LOXHD1: variants seen among roughly 807,000 people sequenced by gnomAD.
LOXHD1 encodes the protein lipoxygenase homology domain-containing protein 1.
LOXHD1 carries 205 observed loss-of-function variants against 248.2 expected under a neutral mutation model. The ratio of observed to expected loss-of-function variants is 0.83; its 90% CI spans 0.74 to 0.93. The LOEUF (loss-of-function observed/expected upper bound fraction) is 0.93. Among genes scored for constraint, LOXHD1 ranks in the 40% least tolerant of loss-of-function variants. The pLI, the probability that LOXHD1 is intolerant of heterozygous loss-of-function variation, is 0.00. For synonymous variants in LOXHD1, 1,113 were observed against 1,162.8 expected (o/e 0.96, Z 0.87); for missense variants, 2,930 against 2,971.6 (o/e 0.99, Z 0.33).
At chr18:46,538,373 A>G (rs1458808007) in intron 25 of LOXHD1, 36 bp from the exon 26 acceptor site, 3 of 1,527,280 alleles carry the variant, frequency 2.0e-6, no homozygotes, top group African/African-American at 2.8e-5. Context: ...GCCAGAGTGG[A>G]TGAGAGAACA....
intron 6 of LOXHD1, among the ~76,000 whole-genome samples, chr18:46,609,115 C>T (rs2038466202): frequency 6.6e-6 from 1 of 152,160 alleles, no homozygotes; most frequent in African/African-American, 2.4e-5. Flanking sequence ...AGCCTTTATC[C>T]CCATTTTCTC....
At position 46,566,047 on chromosome 18, in the gene LOXHD1, G is replaced by T. The variant is rs183346977; in HGVS notation, c.2437+210C>A. ...CACAAAAAAGTATTTCATCCATTGG[G>T]TCCTCAGTTTCCTCATCTATAAAAT... On this transcript the variant is annotated intron_variant, in intron 17 of 40. Transcript: ENST00000642948. Among the ~76,000 whole-genome samples the T allele has an allele frequency of 1.5e-3, 229 of 152,204 alleles. 1 individual carries two copies. The highest frequency in any genetic ancestry group is 5.1e-3 in the African/African-American group (212 of 41,526).
intron 17 of LOXHD1, among the ~76,000 whole-genome samples, chr18:46,565,529 G>A (rs1022971446): frequency 6.6e-6 from 1 of 152,164 alleles, no homozygotes; most frequent in Non-Finnish European, 1.5e-5. Flanking sequence ...AGCAGTGCTG[G>A]CAGAGAGAAA....
intron 38 of LOXHD1, among the ~76,000 whole-genome samples, chr18:46,487,462 T>C (rs1179181780): frequency 1.3e-5 from 2 of 152,178 alleles, no homozygotes; most frequent in African/African-American, 4.8e-5. Flanking sequence ...CATGGAGGAA[T>C]GCTAGGAGCA....
chr18:46,561,833 T>C (rs17768641), intron 18 of LOXHD1, among the ~76,000 whole-genome samples: 13,901 of 152,270 alleles, frequency 0.091, 901 homozygotes, highest in Non-Finnish European at 0.14. Flanking sequence ...TTCACGGCAT[T>C]AGCTCTCCTC....
chr18:46,541,400 G>T (rs556665266), intron 25 of LOXHD1, among the ~76,000 whole-genome samples: 1 of 152,280 alleles, frequency 6.6e-6, no homozygotes, highest in Non-Finnish European at 1.5e-5. Context: ...CTGGAGTAAG[G>T]ATTGGTGACA....
intron 6 of LOXHD1, among the ~76,000 whole-genome samples, chr18:46,609,681 C>T (rs2038475472): frequency 6.6e-6 from 1 of 152,176 alleles, no homozygotes; most frequent in Admixed American, 6.5e-5. Context: ...ATTTTTAATA[C>T]TCTTTTGGTA....
At chr18:46,534,080 T>C (rs1435002905) in intron 27 of LOXHD1, among the ~76,000 whole-genome samples, 1 of 152,168 alleles carries the variant, frequency 6.6e-6, no homozygotes, top group Non-Finnish European at 1.5e-5. Flanking sequence ...GGTCAATCAC[T>C]AGTAATATGG....
intron 7 of LOXHD1, 21 bp downstream of exon 7, chr18:46,604,085 C>T (rs1244884966): frequency 6.4e-7 from 1 of 1,551,596 alleles, no homozygotes. Context: ...CCAAAAGAGC[C>T]TCCCCTTTCT....
rs1478469981 is a variant in LOXHD1 at position 46,477,865 on chromosome 18, GCT to G, written c.6427_6428del (p.Ser2143LeufsTer22). 5 of 1,551,804 alleles carry G rather than the reference GCT, an allele frequency of 3.2e-6. No individual in the cohort carries two copies. The highest frequency in any genetic ancestry group is 1.2e-5 in the South Asian group (1 of 84,062). On this transcript the variant is annotated frameshift_variant, in exon 41 of 41. Coordinates refer to ENST00000642948, the MANE Select transcript of LOXHD1 (RefSeq NM_001384474.1). LOFTEE classifies it high-confidence loss of function. ...KVFEVTKTTE[S>X]FASKVQSLVP... ...CCAGGCTCTGGACCTTGCTGGCAAA[GCT>G]CTCTGTCGTCTTGGTAACCTCGAAT...
At chr18:46,499,074 C>T (rs1057086683) in intron 37 of LOXHD1, among the ~76,000 whole-genome samples, 2 of 152,192 alleles carry the variant, frequency 1.3e-5, no homozygotes, top group Admixed American at 6.5e-5. Context: ...TAAATACCTA[C>T]TAAGTGCCAG....
chr18:46,622,194 A>G (rs991406890), intron 4 of LOXHD1, among the ~76,000 whole-genome samples: 17 of 152,130 alleles, frequency 1.1e-4, no homozygotes, highest in African/African-American at 3.6e-4. Flanking sequence ...GATAGGAAAT[A>G]TTTTAGGATT....
At chr18:46,564,841 A>G (rs1030343176) in intron 17 of LOXHD1, among the ~76,000 whole-genome samples, 5 of 152,212 alleles carry the variant, frequency 3.3e-5, no homozygotes, top group African/African-American at 1.2e-4. Flanking sequence ...GCTTCAGATT[A>G]GACACACACA....
intron 2 of LOXHD1, among the ~76,000 whole-genome samples, chr18:46,643,549 G>A (rs1599071933): frequency 6.6e-6 from 1 of 152,226 alleles, no homozygotes; most frequent in East Asian, 1.9e-4. Context: ...TCTGCCTGAT[G>A]TGGGAATTTC....
At chr18:46,646,837 T>C (rs1054075043) in intron 2 of LOXHD1, among the ~76,000 whole-genome samples, 3 of 152,236 alleles carry the variant, frequency 2.0e-5, no homozygotes, top group African/African-American at 7.2e-5. Context: ...CCACTGGCCT[T>C]TGCCGAGCTC....
At chr18:46,591,549 G>T (rs2038168297) in intron 12 of LOXHD1, among the ~76,000 whole-genome samples, 1 of 152,136 alleles carries the variant, frequency 6.6e-6, no homozygotes, top group Non-Finnish European at 1.5e-5. Flanking sequence ...AGCCAACTGG[G>T]GCTACAGGAT....
At chr18:46,514,629 T>C (rs1223232168) in intron 34 of LOXHD1, among the ~76,000 whole-genome samples, 1 of 152,234 alleles carries the variant, frequency 6.6e-6, no homozygotes, top group African/African-American at 2.4e-5. Context: ...CATTTGAGTG[T>C]CTGTCCTCTG....
intron 8 of LOXHD1, among the ~76,000 whole-genome samples, chr18:46,595,703 AGAAGTG>A (rs1213338505): frequency 3.9e-5 from 6 of 152,198 alleles, no homozygotes; most frequent in African/African-American, 9.6e-5. Context: ...CCACATATTT[AGAAGTG>A]GACCTATACA....
At chr18:46,479,537 T>G (rs1229387524) in intron 40 of LOXHD1, among the ~76,000 whole-genome samples, 1 of 152,074 alleles carries the variant, frequency 6.6e-6, no homozygotes, top group East Asian at 1.9e-4. Context: ...CTGTGTGACC[T>G]TGGACAAGTC....
Sources: gnomAD v4.1 joint callset for allele counts (sites outside exome capture counted in the v4.1 genomes callset) on GRCh38, gnomAD v4.1.1 for gene constraint, MANE v1.5 for transcripts, NCBI Gene and HGNC (gene_info 2026-07-23, HGNC 2026-07-21) for gene names.